The following ABI3BP variants were observed in gnomAD, a reference collection of about 807,000 sequenced individuals.
The protein encoded by ABI3BP is target of Nesh-SH3.
A neutral mutation model predicts 268.6 loss-of-function variants in ABI3BP; 216 were observed. The observed-to-expected ratio is 0.80, with a 90% CI of 0.72 to 0.90. ABI3BP has a LOEUF of 0.90. ABI3BP is among the 40% of genes least tolerant of loss of function. The pLI, the probability that ABI3BP is intolerant of heterozygous loss-of-function variation, is 0.00. For synonymous variants in ABI3BP, 730 were observed against 730.0 expected (o/e 1.00, Z 0.00); for missense variants, 2,090 against 2,182.4 (o/e 0.96, Z 0.84).
intron 51 of ABI3BP, among the ~76,000 whole-genome samples, chr3:100,796,694 C>A (rs13322026): frequency 0.11 from 16,901 of 151,976 alleles, 1,628 homozygotes; most frequent in African/African-American, 0.26. Context: ...AGTCACAGTT[C>A]ATTTTGAAGT....
intron 26 of ABI3BP, among the ~76,000 whole-genome samples, chr3:100,837,721 C>T (rs2098624687): frequency 6.6e-6 from 1 of 152,114 alleles, no homozygotes; most frequent in South Asian, 2.1e-4. Context: ...CACCACTGTA[C>T]TCCAACCTGC....
intron 1 of ABI3BP, among the ~76,000 whole-genome samples, chr3:100,974,529 A>C (rs1482514122): frequency 6.6e-6 from 1 of 152,236 alleles, no homozygotes; most frequent in African/African-American, 2.4e-5. Flanking sequence ...TATTCATAGA[A>C]TATTCTGAAA....
At chr3:100,812,051 C>G (rs12152327) in intron 46 of ABI3BP, among the ~76,000 whole-genome samples, 21,120 of 151,992 alleles carry the variant, frequency 0.14, 1,910 homozygotes, top group South Asian at 0.27. Flanking sequence ...GTCAACAGCA[C>G]TTCTACCTGG....
intron 2 of ABI3BP, among the ~76,000 whole-genome samples, chr3:100,908,129 A>AC (rs2054398532): frequency 6.6e-6 from 1 of 151,736 alleles, no homozygotes; most frequent in East Asian, 1.9e-4. Context: ...AAAAAAAAAA[A>AC]GAAAAAAGAA....
intron 5 of ABI3BP, among the ~76,000 whole-genome samples, chr3:100,885,895 G>A (rs3821725): frequency 0.71 from 108,440 of 151,838 alleles, 39,921 homozygotes; most frequent in Non-Finnish European, 0.8. Flanking sequence ...TTAAACTGCT[G>A]TAATACAATA....
intron 27 of ABI3BP, among the ~76,000 whole-genome samples, chr3:100,836,015 C>T (rs965911112): frequency 6.6e-6 from 1 of 151,966 alleles, no homozygotes; most frequent in African/African-American, 2.4e-5. Flanking sequence ...AAGTTTTCAC[C>T]ACCATTATTA....
At chr3:100,879,073 T>C (rs2099197750) in intron 6 of ABI3BP, among the ~76,000 whole-genome samples, 1 of 152,200 alleles carries the variant, frequency 6.6e-6, no homozygotes, top group Non-Finnish European at 1.5e-5. Flanking sequence ...ACATTAATAG[T>C]AACTACGGTC....
At chr3:100,846,821 G>GA (rs1036799217) in intron 19 of ABI3BP, among the ~76,000 whole-genome samples, 9 of 151,948 alleles carry the variant, frequency 5.9e-5, no homozygotes, top group Admixed American at 4.6e-4. Context: ...GCACTAGGGG[G>GA]AAAAAACACC....
intron 6 of ABI3BP, among the ~76,000 whole-genome samples, chr3:100,882,445 A>T (rs1459478061): frequency 2.1e-5 from 3 of 145,436 alleles, no homozygotes; most frequent in South Asian, 2.1e-4. Context: ...ATATATATAT[A>T]ATATATATAT....
intron 46 of ABI3BP, 80 bp downstream of exon 46, chr3:100,812,387 G>T: frequency 1.0e-6 from 1 of 973,732 alleles, no homozygotes; most frequent in Non-Finnish European, 1.4e-6. Context: ...ATGTCACAAA[G>T]CATGAGGACA....
At position 100,922,350 on chromosome 3, in the gene ABI3BP, T is replaced by C. The variant is rs79693694; in HGVS notation, c.259+3952A>G. Among the ~76,000 whole-genome samples, 1,005 of 152,228 alleles carry C rather than the reference T, an allele frequency of 6.6e-3. 8 individuals carry two copies. Among genetic ancestry groups the C allele is most frequent in the African/African-American group, 0.021 (872 of 41,560 alleles). ...TCCTAATCCCCAGAACCTGTGAAGA[T>C]GTGAGGTTGCGTGACAAAGGAGAAT... On this transcript the variant is annotated intron_variant, in intron 2 of 67. Transcript: ENST00000471714.
chr3:100,970,424 T>C (rs2083089058), intron 1 of ABI3BP, among the ~76,000 whole-genome samples: 1 of 152,224 alleles, frequency 6.6e-6, no homozygotes, highest in Non-Finnish European at 1.5e-5. Context: ...AAGTACATGA[T>C]GCCCAACTCA....
Position 100,815,742 on chromosome 3 carries a change from C to T in ABI3BP, c.3289+170G>A, listed in dbSNP as rs546389493. Among the ~76,000 whole-genome samples the T allele has an allele frequency of 2.0e-5, 3 of 152,094 alleles. No homozygotes were observed. In the South Asian group the frequency reaches 6.2e-4, roughly 32 times the overall value. On this transcript the variant is annotated intron_variant, in intron 44 of 67. Coordinates refer to ENST00000471714, the MANE Select transcript of ABI3BP (RefSeq NM_001375547.2). Reference sequence around the variant, plus strand: ...CCTTCACTGGGTCCAGGGACATCTGCGAAAAACAACAGGTAACACTTGAAT... The same window carrying T: ...CCTTCACTGGGTCCAGGGACATCTGTGAAAAACAACAGGTAACACTTGAAT...
At chr3:100,860,059 G>A (rs1159277269) in intron 14 of ABI3BP, among the ~76,000 whole-genome samples, 1 of 152,070 alleles carries the variant, frequency 6.6e-6, no homozygotes, top group Non-Finnish European at 1.5e-5. Context: ...GGAGACAAGA[G>A]CAAACTCCAT....
At chr3:100,834,811 C>G in intron 28 of ABI3BP, 38 bp from the exon 29 acceptor site, 1 of 1,501,850 alleles carries the variant, frequency 6.7e-7, no homozygotes. Context: ...TCATATGACT[C>G]CAGAAACCAA....
At chr3:100,948,462 T>C (rs867563859) in intron 1 of ABI3BP, among the ~76,000 whole-genome samples, 22 of 152,342 alleles carry the variant, frequency 1.4e-4, no homozygotes, top group Middle Eastern at 3.4e-3. Flanking sequence ...AAACAGAATG[T>C]GTTACTAAAA....
rs548107941 is a variant in ABI3BP at position 100,988,607 on chromosome 3, G to A, written c.79+4699C>T. Reference sequence around the variant, plus strand: ...CATAATTCTTCATACCTCCCATCCAGATTGGATCCTTTTTTTCTCAAAATG... The same window carrying A: ...CATAATTCTTCATACCTCCCATCCAAATTGGATCCTTTTTTTCTCAAAATG... On this transcript the variant is annotated intron_variant, in intron 1 of 67. Coordinates refer to ENST00000471714, the MANE Select transcript of ABI3BP (RefSeq NM_001375547.2). Among the ~76,000 whole-genome samples, 173 of 152,148 alleles carry A rather than the reference G, an allele frequency of 1.1e-3. 1 individual carries two copies. Among genetic ancestry groups the A allele is most frequent in the African/African-American group, 3.9e-3 (161 of 41,494 alleles).
At chr3:100,806,228 GTGGA>G (rs2097701766) in intron 50 of ABI3BP, among the ~76,000 whole-genome samples, 2 of 152,092 alleles carry the variant, frequency 1.3e-5, no homozygotes, top group Non-Finnish European at 2.9e-5. Flanking sequence ...GTGAAAGGTG[GTGGA>G]TGAACAAAAT....
Position 100,988,588 on chromosome 3 carries a change from T to C in ABI3BP, c.79+4718A>G, listed in dbSNP as rs529627056. Among the ~76,000 whole-genome samples, 10 of 152,264 alleles carry C rather than the reference T, an allele frequency of 6.6e-5. No individual in the cohort carries two copies. In the South Asian group the frequency reaches 2.1e-3, roughly 32 times the overall value. On this transcript the variant is annotated intron_variant, in intron 1 of 67. Coordinates refer to ENST00000471714, the MANE Select transcript of ABI3BP (RefSeq NM_001375547.2). ...TTTGGGTTTCTTATTCTCTCATAAT[T>C]CTTCATACCTCCCATCCAGATTGGA...
Sources: allele counts gnomAD v4.1 joint callset (sites outside exome capture counted in the v4.1 genomes callset), GRCh38; gene constraint gnomAD v4.1.1; transcripts MANE v1.5; gene names NCBI Gene and HGNC (gene_info 2026-07-23, HGNC 2026-07-21).